The following SLCO1B3 variants were observed in gnomAD, a reference collection of about 807,000 sequenced individuals.
SLCO1B3 encodes the protein solute carrier organic anion transporter family member 1B3, also known as liver-specific organic anion transporter 2.
A neutral mutation model predicts 71.8 loss-of-function variants in SLCO1B3; 72 were observed. That is an observed-to-expected ratio of 1.00 (90% CI 0.83 to 1.22). The LOEUF (loss-of-function observed/expected upper bound fraction) is 1.22, where lower values mean the gene tolerates loss of function less well. Ranked by LOEUF, SLCO1B3 falls within the 50% of genes most tolerant of loss-of-function variation. The pLI is 0.00. For missense variants in SLCO1B3, 911 were observed against 819.7 expected, an observed-to-expected ratio of 1.11 and a Z score of -1.36; for synonymous variants, 298 against 278.4, an observed-to-expected ratio of 1.07 and a Z score of -0.70.
At position 20,916,404 on chromosome 12, in the gene SLCO1B3, C is replaced by A; in HGVS notation, c.*157C>A. 1.6e-6 allele frequency: 1 copy of A among 607,964 alleles called. No individual in the cohort carries two copies. The highest frequency in any genetic ancestry group is 2.8e-6 in the Non-Finnish European group (1 of 357,230). The allele number at this position is 607,964 out of a possible 1,614,324, so 37.7% of individuals were successfully genotyped here. A position where few individuals can be genotyped will look rare whatever the true frequency, so the allele number is the denominator to read the frequency against. ...TACCCATGGTTAGGATATAGCTATG[C>A]CTTTATGGTTAAGATTAGAATATAT... is the stretch of plus-strand genomic sequence containing the variant. On this transcript the variant is annotated 3_prime_UTR_variant, in exon 16 of 16. Transcript: ENST00000381545.
intron 13 of SLCO1B3, among the ~76,000 whole-genome samples, chr12:20,895,245 C>A (rs1204435880): frequency 6.6e-6 from 1 of 152,176 alleles, no homozygotes; most frequent in Non-Finnish European, 1.5e-5. Flanking sequence ...TCTTTCCCAA[C>A]AGTCCCCCAG....
At chr12:20,828,959 T>C (rs1431215189) in intron 3 of SLCO1B3, among the ~76,000 whole-genome samples, 1 of 109,630 alleles carries the variant, frequency 9.1e-6, no homozygotes, top group Non-Finnish European at 2.1e-5. Flanking sequence ...TAAAAGCCCC[T>C]CAGGTAATTT....
At chr12:20,825,950 A>T (rs1176384303) in intron 3 of SLCO1B3, among the ~76,000 whole-genome samples, 2 of 152,250 alleles carry the variant, frequency 1.3e-5, no homozygotes, top group Non-Finnish European at 1.5e-5. Flanking sequence ...TAAAAACTTA[A>T]TAAGAATAAC....
intron 8 of SLCO1B3, among the ~76,000 whole-genome samples, chr12:20,865,185 A>G (rs1483656822): frequency 6.6e-6 from 1 of 152,146 alleles, no homozygotes; most frequent in Non-Finnish European, 1.5e-5. Context: ...CATCAAAATT[A>G]CATTTCTGAC....
intron 1 of SLCO1B3, among the ~76,000 whole-genome samples, chr12:20,812,198 C>A (rs1864120862): frequency 6.6e-6 from 1 of 152,078 alleles, no homozygotes; most frequent in African/African-American, 2.4e-5. Context: ...TGAGTCACTG[C>A]TCCCGGCCTA....
In SLCO1B3 at chr12:20,875,285, C is replaced by T. The variant is rs745824602; in HGVS notation, c.778C>T (p.Leu260Phe). Residue 260 changes from leucine to phenylalanine, a missense_variant, in exon 9 of 16, where the codon CTT (leucine) becomes TTT (phenylalanine). Physicochemically the swap from Leu to Phe is conservative, Grantham distance 22. Transcript: ENST00000381545. The part of the protein sequence containing the change: ...KDSRWVGAWW[L>F]GFLVSGLFSI... ...CTCTCGTTGGGTTGGAGCTTGGTGG[C>T]TTGGTTTCCTTGTGTCTGGACTATT... The T allele has an allele frequency of 6.2e-7, 1 of 1,613,174 alleles. No homozygotes were observed.
In SLCO1B3 at chr12:20,869,567, T is replaced by C. The variant is rs143351069; in HGVS notation, c.728-5668T>C. 3.8e-3 allele frequency among the ~76,000 whole-genome samples: 580 copies of C among 152,330 alleles called. 8 individuals carry two copies. The highest frequency in any genetic ancestry group is 0.031 in the Admixed American group (468 of 15,290). ...TCTCTTGCCTCGGCACCTGGGTGGCTTGCCGCTCACACTCAGTATTTGTTC... is the reference window on the plus strand; with the variant it reads ...TCTCTTGCCTCGGCACCTGGGTGGCCTGCCGCTCACACTCAGTATTTGTTC... On this transcript the variant is annotated intron_variant, in intron 8 of 15. Coordinates refer to ENST00000381545, the MANE Select transcript of SLCO1B3 (RefSeq NM_019844.4).
rs192146987 is a variant in SLCO1B3 at position 20,910,269 on chromosome 12, G to T, written c.1866-5735G>T. 4.6e-5 allele frequency among the ~76,000 whole-genome samples: 7 copies of T among 152,216 alleles called. No individual in the cohort carries two copies. The East Asian group carries it at 1.4e-3, about 29-fold the overall frequency. On this transcript the variant is annotated intron_variant, in intron 15 of 15. Transcript: ENST00000381545. ...CTACAGATCCATTGACTGTATTTAA[G>T]TGGGTCTATTTCTGGGCTATTTATT... is the stretch of plus-strand genomic sequence containing the variant.
intron 3 of SLCO1B3, among the ~76,000 whole-genome samples, chr12:20,832,763 A>G (rs930274572): frequency 1.3e-5 from 2 of 152,140 alleles, no homozygotes; most frequent in African/African-American, 2.4e-5. Flanking sequence ...CATGTCATTC[A>G]GATCTCTGTT....
intron 15 of SLCO1B3, among the ~76,000 whole-genome samples, chr12:20,914,409 C>T (rs1424631273): frequency 6.6e-6 from 1 of 151,762 alleles, no homozygotes. Flanking sequence ...CCAAAATAAC[C>T]CTAATTCTTC....
At chr12:20,814,976 C>CTTTTTTTTTTTTTTTTTTTTTT (rs1297703814) in intron 2 of SLCO1B3, among the ~76,000 whole-genome samples, 1 of 117,110 alleles carries the variant, frequency 8.5e-6, no homozygotes, top group East Asian at 2.5e-4. Flanking sequence ...CTTTTCTTTT[C>CTTTTTTTTTTTTTTTTTTTTTT]TTTTCTTTTT....
intron 4 of SLCO1B3, 150 bp from the exon 5 acceptor site, chr12:20,858,289 T>G: frequency 1.7e-6 from 1 of 590,122 alleles, no homozygotes; most frequent in Non-Finnish European, 3.0e-6. Context: ...AGTGGTTTAA[T>G]GTAGGAGAGT....
At chr12:20,901,285 G>A (rs965682282) in intron 14 of SLCO1B3, 65 bp from the exon 15 acceptor site, 36 of 1,001,674 alleles carry the variant, frequency 3.6e-5, no homozygotes, top group African/African-American at 1.3e-4. Context: ...TATCAATATC[G>A]ACTATCGCTC....
chr12:20,862,645 T>G lies in SLCO1B3; in HGVS notation c.628+87T>G, dbSNP rs865808709. The stretch of plus-strand genomic sequence containing the variant: ...AATGTCATTATTTTTTTCTTTTACC[T>G]ATTAGAAAAATATTTGCAGAAGTGT... On this transcript the variant is annotated intron_variant, in intron 7 of 15. Transcript: ENST00000381545. 20 of 1,459,150 alleles carry G rather than the reference T, an allele frequency of 1.4e-5. No individual in the cohort carries two copies. In the Middle Eastern group the frequency reaches 2.5e-3, roughly 184 times the overall value. 90.4% of individuals were successfully genotyped at this position (1,459,150 alleles called of 1,614,324 possible).
intron 13 of SLCO1B3, among the ~76,000 whole-genome samples, chr12:20,885,954 A>T (rs1372135952): frequency 6.6e-6 from 1 of 152,090 alleles, no homozygotes; most frequent in African/African-American, 2.4e-5. Context: ...AATCAGGGAA[A>T]ACAAAAGGCT....
rs150954989 is a variant in SLCO1B3, at chr12:20,830,534, T to C, written c.84+14712T>C. Among the ~76,000 whole-genome samples, 5 of 152,276 alleles carry C rather than the reference T, an allele frequency of 3.3e-5. No individual in the cohort carries two copies. The East Asian group carries it at 9.7e-4, about 29-fold the overall frequency. Reference sequence around the variant, plus strand: ...CACTTTAAACAAGATAAAGTGAACATAGAGTACCTACTCCTGGAGATATTT... The same window carrying C: ...CACTTTAAACAAGATAAAGTGAACACAGAGTACCTACTCCTGGAGATATTT... On this transcript the variant is annotated intron_variant, in intron 3 of 15. Coordinates refer to ENST00000381545, the MANE Select transcript of SLCO1B3 (RefSeq NM_019844.4).
intron 8 of SLCO1B3, among the ~76,000 whole-genome samples, chr12:20,873,292 A>G (rs1210169934): frequency 6.6e-6 from 1 of 152,224 alleles, no homozygotes; most frequent in Non-Finnish European, 1.5e-5. Context: ...GAAATGTTAT[A>G]TATGTGGTCC....
chr12:20,856,652 T>G (rs1437959591), intron 4 of SLCO1B3, among the ~76,000 whole-genome samples: 1 of 152,162 alleles, frequency 6.6e-6, no homozygotes, highest in Admixed American at 6.5e-5. Flanking sequence ...CTCCACCTCC[T>G]GGGTTTAAGC....
chr12:20,835,291 G>A (rs1031249738), intron 3 of SLCO1B3, among the ~76,000 whole-genome samples: 1 of 152,192 alleles, frequency 6.6e-6, no homozygotes, highest in African/African-American at 2.4e-5. Context: ...GTGCCCTGGA[G>A]TCATTTTCCG....
Sources: gnomAD v4.1 joint callset for allele counts (sites outside exome capture counted in the v4.1 genomes callset) on GRCh38, gnomAD v4.1.1 for gene constraint, MANE v1.5 for transcripts, NCBI Gene and HGNC (gene_info 2026-07-23, HGNC 2026-07-21) for gene names.